The following RFTN1 variants were observed in gnomAD, a reference collection of about 807,000 sequenced individuals.
The protein encoded by RFTN1 is raftlin.
RFTN1 carries 26 observed loss-of-function variants against 46.5 expected under a neutral mutation model. The ratio of observed to expected loss-of-function variants is 0.56; its 90% CI spans 0.41 to 0.78. RFTN1 has a LOEUF of 0.78. RFTN1 is among the 30% of genes least tolerant of loss of function. The pLI, the probability that RFTN1 is intolerant of heterozygous loss-of-function variation, is 0.00. For synonymous variants in RFTN1, 261 were observed against 284.2 expected (o/e 0.92, Z 0.82); for missense variants, 693 against 718.7 (o/e 0.96, Z 0.41).
chr3:16,511,359 G>GT (rs558570439), intron 1 of RFTN1, among the ~76,000 whole-genome samples: 34 of 152,314 alleles, frequency 2.2e-4, no homozygotes, highest in African/African-American at 7.5e-4. Context: ...GGAATGACCT[G>GT]TACCAACATC....
In RFTN1 at chr3:16,512,349, G is replaced by A. The variant is rs887395679; in HGVS notation, c.-9+1093C>T. On this transcript the variant is annotated intron_variant, in intron 1 of 9. Coordinates refer to ENST00000334133, the MANE Select transcript of RFTN1 (RefSeq NM_015150.2). This position sits in a 1 kb window ranked among gnomAD's most constrained non-coding sequence, Gnocchi z 4.3. ...GCCCAGCTCCTGAAACAGCTGTACCGACTACAAGGGTTCCAGCACATGAGT... is the reference window on the plus strand; with the variant it reads ...GCCCAGCTCCTGAAACAGCTGTACCAACTACAAGGGTTCCAGCACATGAGT... Among the ~76,000 whole-genome samples the A allele has an allele frequency of 3.3e-5, 5 of 152,044 alleles. No homozygotes were observed. The highest frequency in any genetic ancestry group is 1.2e-4 in the African/African-American group (5 of 41,362).
rs1471789843 is a variant in RFTN1, at chr3:16,465,864, A to G, written c.145+27861T>C. 2.6e-5 allele frequency among the ~76,000 whole-genome samples: 4 copies of G among 152,224 alleles called. No individual in the cohort carries two copies. The highest frequency in any genetic ancestry group is 4.4e-5 in the Non-Finnish European group (3 of 68,044). Reference sequence around the variant, plus strand: ...TAGAGAAAGACTAATTCATAAAAGTAAGGGAGTCATGCCCTTAAAAAAGAA... The same window carrying G: ...TAGAGAAAGACTAATTCATAAAAGTGAGGGAGTCATGCCCTTAAAAAAGAA... On this transcript the variant is annotated intron_variant, in intron 2 of 9. Transcript: ENST00000334133. The surrounding 1 kb of genome is among the most constrained non-coding windows in gnomAD (Gnocchi z 5.1).
rs1324964017 is a variant in RFTN1, at chr3:16,334,347, G to GT, written c.1147-7472dup. On this transcript the variant is annotated intron_variant, in intron 7 of 9. Transcript: ENST00000334133. This position sits in a 1 kb window ranked among gnomAD's most constrained non-coding sequence, Gnocchi z 4.3. ...ATTGATTCAACCCTCCTGGAGAACA[G>GT]TTTGACAGTATCTTTCAAAATTACA... Among the ~76,000 whole-genome samples, 1 of 152,188 alleles carries GT rather than the reference G, an allele frequency of 6.6e-6. No individual in the cohort carries two copies. The highest frequency in any genetic ancestry group is 1.5e-5 in the Non-Finnish European group (1 of 68,034).
At chr3:16,377,438 G>A (rs1369180105) in intron 5 of RFTN1, among the ~76,000 whole-genome samples, 3 of 152,208 alleles carry the variant, frequency 2.0e-5, no homozygotes, top group Non-Finnish European at 4.4e-5. Context: ...GAGCACAGGA[G>A]ATAAAAGAGC....
At chr3:16,326,315 A>C (rs568798) in intron 8 of RFTN1, among the ~76,000 whole-genome samples, 90,383 of 152,196 alleles carry the variant, frequency 0.59, 27,121 homozygotes, top group African/African-American at 0.69. Context: ...ATCTTGGCCA[A>C]GTCCCTCAAC....
rs567100332 is a variant in RFTN1, at chr3:16,512,045, T to A, written c.-9+1397A>T. 6.6e-6 allele frequency among the ~76,000 whole-genome samples: 1 copy of A among 152,248 alleles called. No individual in the cohort carries two copies. The highest frequency in any genetic ancestry group is 1.5e-5 in the Non-Finnish European group (1 of 68,002). Reference sequence around the variant, plus strand: ...GAGGATGCAGAGCTCAGTCTGAGGTTAGAGTGATTTCACTGAGGTTAGCAC... The same window carrying A: ...GAGGATGCAGAGCTCAGTCTGAGGTAAGAGTGATTTCACTGAGGTTAGCAC... On this transcript the variant is annotated intron_variant, in intron 1 of 9. Coordinates refer to ENST00000334133, the MANE Select transcript of RFTN1 (RefSeq NM_015150.2). The surrounding 1 kb of genome is among the most constrained non-coding windows in gnomAD (Gnocchi z 4.3).
rs555252868 is a variant in RFTN1 at position 16,489,076 on chromosome 3, A to G, written c.145+4649T>C. ...AATGAGAAGAGCTAGGTTTTGAAAA[A>G]GAGTACGTACTATTTGATTCCATTT... On this transcript the variant is annotated intron_variant, in intron 2 of 9. Transcript: ENST00000334133. This position sits in a 1 kb window ranked among gnomAD's most constrained non-coding sequence, Gnocchi z 4.0. Among the ~76,000 whole-genome samples, 40 of 152,344 alleles carry G rather than the reference A, an allele frequency of 2.6e-4. No homozygotes were observed. Among genetic ancestry groups the G allele is most frequent in the African/African-American group, 9.1e-4 (38 of 41,578 alleles).
chr3:16,338,038 C>CT lies in RFTN1; in HGVS notation c.1147-11163dup, dbSNP rs955023588. Among the ~76,000 whole-genome samples the CT allele has an allele frequency of 6.6e-6, 1 of 152,206 alleles. No individual in the cohort carries two copies. Among genetic ancestry groups the CT allele is most frequent in the African/African-American group, 2.4e-5 (1 of 41,452 alleles). ...GCTCGAGATGTTGCCCTGGCTTCTC[C>CT]TAAAGCACCATGCCAAGCTGGCAAG... On this transcript the variant is annotated intron_variant, in intron 7 of 9. Coordinates refer to ENST00000334133, the MANE Select transcript of RFTN1 (RefSeq NM_015150.2). The surrounding 1 kb of genome is among the most constrained non-coding windows in gnomAD (Gnocchi z 5.3).
rs530581497 is a variant in RFTN1 at position 16,338,031 on chromosome 3, G to C, written c.1147-11155C>G. Among the ~76,000 whole-genome samples the C allele has an allele frequency of 2.6e-4, 40 of 152,224 alleles. No homozygotes were observed. Among genetic ancestry groups the C allele is most frequent in the African/African-American group, 9.6e-4 (40 of 41,518 alleles). On this transcript the variant is annotated intron_variant, in intron 7 of 9. Transcript: ENST00000334133. This position sits in a 1 kb window ranked among gnomAD's most constrained non-coding sequence, Gnocchi z 5.3. The stretch of plus-strand genomic sequence containing the variant: ...CGTCCTAGCTCGAGATGTTGCCCTG[G>C]CTTCTCCTAAAGCACCATGCCAAGC...
Position 16,493,648 on chromosome 3 carries a change from C to T in RFTN1, c.145+77G>A, listed in dbSNP as rs187542955. 5.4e-6 allele frequency: 7 copies of T among 1,296,314 alleles called. No individual in the cohort carries two copies. The East Asian group carries it at 2.1e-4, about 40-fold the overall frequency. 80.3% of individuals were successfully genotyped at this position (1,296,314 alleles called of 1,614,324 possible). Reference sequence around the variant, plus strand: ...ACAGCCCCCACCCCATCCAGCTCTCCAACTGCACCCCCATCCCCTGCAGGC... The same window carrying T: ...ACAGCCCCCACCCCATCCAGCTCTCTAACTGCACCCCCATCCCCTGCAGGC... On this transcript the variant is annotated intron_variant, in intron 2 of 9. Transcript: ENST00000334133.
chr3:16,476,051 A>C (rs1187338830), intron 2 of RFTN1, among the ~76,000 whole-genome samples: 1 of 152,180 alleles, frequency 6.6e-6, no homozygotes, highest in Admixed American at 6.5e-5. Context: ...GAATGCTGAG[A>C]ATCTGAAGGG....
Position 16,450,423 on chromosome 3 carries a change from C to T in RFTN1, c.146-16386G>A, listed in dbSNP as rs571673656. On this transcript the variant is annotated intron_variant, in intron 2 of 9. Transcript: ENST00000334133. This position sits in a 1 kb window ranked among gnomAD's most constrained non-coding sequence, Gnocchi z 4.6. ...AGGTGGTGGCCTCAGAGAAGGAAGG[C>T]AGGTAGGATAAGAGCCTGAGGCCCA... Among the ~76,000 whole-genome samples the T allele has an allele frequency of 1.3e-5, 2 of 152,344 alleles. No individual in the cohort carries two copies. Among genetic ancestry groups the T allele is most frequent in the African/African-American group, 4.8e-5 (2 of 41,588 alleles).
At chr3:16,369,396 A>G (rs1304484154) in intron 6 of RFTN1, among the ~76,000 whole-genome samples, 2 of 152,146 alleles carry the variant, frequency 1.3e-5, no homozygotes, top group Non-Finnish European at 2.9e-5. Context: ...CGTTGGTCCC[A>G]CTCCCCAAGT....
In RFTN1 at chr3:16,382,466, C is replaced by T. The variant is rs546124088; in HGVS notation, c.442-4364G>A. 3.4e-4 allele frequency among the ~76,000 whole-genome samples: 52 copies of T among 152,280 alleles called. No homozygotes were observed. Among genetic ancestry groups the T allele is most frequent in the African/African-American group, 7.0e-4 (29 of 41,550 alleles). Reference sequence around the variant, plus strand: ...CACATTCATCATGGTGGTGGGCATGCGATGTATTCATCAGGGTTCATCCCC... The same window carrying T: ...CACATTCATCATGGTGGTGGGCATGTGATGTATTCATCAGGGTTCATCCCC... On this transcript the variant is annotated intron_variant, in intron 4 of 9. Transcript: ENST00000334133. This position sits in a 1 kb window ranked among gnomAD's most constrained non-coding sequence, Gnocchi z 4.7.
rs73039471 is a variant in RFTN1 at position 16,359,053 on chromosome 3, G to A, written c.1031-1006C>T. 7.0e-3 allele frequency among the ~76,000 whole-genome samples: 669 copies of A among 95,284 alleles called. 10 individuals are homozygous for A. The highest frequency in any genetic ancestry group is 0.017 in the Middle Eastern group (3 of 172). 62.5% of individuals were successfully genotyped at this position (95,284 alleles called of 152,430 possible). ...TCTCCAAAAAAAAAAAAAAAAAAAA[G>A]AAATACTGAACAGAGTCCTTGACCC... is the stretch of plus-strand genomic sequence containing the variant. On this transcript the variant is annotated intron_variant, in intron 6 of 9. Coordinates refer to ENST00000334133, the MANE Select transcript of RFTN1 (RefSeq NM_015150.2).
intron 4 of RFTN1, among the ~76,000 whole-genome samples, chr3:16,396,872 G>A (rs2074480659): frequency 6.6e-6 from 1 of 152,114 alleles, no homozygotes; most frequent in Non-Finnish European, 1.5e-5. Context: ...AGACCAGCCT[G>A]GCCAACATGG....
At chr3:16,491,737 A>G (rs1219159078) in intron 2 of RFTN1, among the ~76,000 whole-genome samples, 1 of 151,842 alleles carries the variant, frequency 6.6e-6, no homozygotes, top group East Asian at 1.9e-4. Context: ...AAAACACATA[A>G]CCACGATGCA....
chr3:16,404,124 TTATA>T lies in RFTN1; in HGVS notation c.441+5247_441+5250del, dbSNP rs1366926261. Among the ~76,000 whole-genome samples the T allele has an allele frequency of 1.6e-4, 5 of 32,142 alleles. 1 individual carries two copies. The highest frequency in any genetic ancestry group is 6.2e-4 in the African/African-American group (5 of 8,062). The allele number at this position is 32,142 out of a possible 152,430, so 21.1% of individuals were successfully genotyped here. A position where few individuals can be genotyped will look rare whatever the true frequency, so the allele number is the denominator to read the frequency against. ...TTATATATAATATATAATATACATTTTATATATAATATATAATATACATTTTATA... is the reference window on the plus strand; with the variant it reads ...TTATATATAATATATAATATACATTTTATAATATATAATATACATTTTATA... On this transcript the variant is annotated intron_variant, in intron 4 of 9. Coordinates refer to ENST00000334133, the MANE Select transcript of RFTN1 (RefSeq NM_015150.2).
chr3:16,461,561 G>T (rs2076008610), intron 2 of RFTN1, among the ~76,000 whole-genome samples: 1 of 152,090 alleles, frequency 6.6e-6, no homozygotes, highest in Non-Finnish European at 1.5e-5. Context: ...GACAATAGCA[G>T]ATGCTTCAAG....
Sources: gnomAD v4.1 joint callset for allele counts (sites outside exome capture counted in the v4.1 genomes callset) on GRCh38, gnomAD v4.1.1 for gene constraint, Gnocchi (gnomAD v3.1) non-coding constraint, MANE v1.5 for transcripts, NCBI Gene and HGNC (gene_info 2026-07-23, HGNC 2026-07-21) for gene names.